The following CELF4 variants were observed in gnomAD, a reference collection of about 807,000 sequenced individuals.
CELF4 encodes CUG-BP- and ETR-3-like factor 4.
A neutral mutation model predicts 59.9 loss-of-function variants in CELF4; 18 were observed. The ratio of observed to expected loss-of-function variants is 0.30; its 90% CI spans 0.21 to 0.45. The LOEUF (loss-of-function observed/expected upper bound fraction) is 0.45, where lower values mean the gene tolerates loss of function less well. Among genes scored for constraint, CELF4 ranks in the 20% least tolerant of loss-of-function variants. The pLI, the probability that CELF4 is intolerant of heterozygous loss-of-function variation, is 1.00. For synonymous variants in CELF4, 261 were observed against 267.1 expected (o/e 0.98, Z 0.22); for missense variants, 456 against 689.0 (o/e 0.66, Z 3.79).
chr18:37,379,567 A>G (rs1015118605), intron 2 of CELF4, among the ~76,000 whole-genome samples: 18 of 151,328 alleles, frequency 1.2e-4, no homozygotes, highest in Non-Finnish European at 2.7e-4. Context: ...TGCCAGCAAG[A>G]TCTGGGGTCC....
At chr18:37,488,021 C>A (rs547080173) in intron 1 of CELF4, among the ~76,000 whole-genome samples, 1 of 151,996 alleles carries the variant, frequency 6.6e-6, no homozygotes, top group Admixed American at 6.5e-5. Flanking sequence ...ACTCACTGGT[C>A]CCCTCACTAC....
chr18:37,256,678 G>A (rs954178795), intron 11 of CELF4, among the ~76,000 whole-genome samples: 6 of 150,858 alleles, frequency 4.0e-5, no homozygotes, highest in African/African-American at 1.5e-4. Context: ...CTCCCTTCCT[G>A]GGTTCAAGCA....
chr18:37,473,012 G>A (rs1224225698), intron 2 of CELF4, among the ~76,000 whole-genome samples: 1 of 152,100 alleles, frequency 6.6e-6, no homozygotes. Context: ...GACTCAGCCT[G>A]CTTGAACATG....
chr18:37,377,141 A>G lies in CELF4; in HGVS notation c.370-55260T>C, dbSNP rs543212661. Reference sequence around the variant, plus strand: ...AGAGAGAGAAAAAGGAGATGTGAGGAGAAAAAAGGGAGAAGGGAGCGGCCA... The same window carrying G: ...AGAGAGAGAAAAAGGAGATGTGAGGGGAAAAAAGGGAGAAGGGAGCGGCCA... On this transcript the variant is annotated intron_variant, in intron 2 of 12. Transcript: ENST00000420428. Among the ~76,000 whole-genome samples, 10 of 152,260 alleles carry G rather than the reference A, an allele frequency of 6.6e-5. No individual in the cohort carries two copies. In the East Asian group the frequency reaches 1.9e-3, roughly 29 times the overall value.
At chr18:37,310,022 A>G (rs900050399) in intron 3 of CELF4, among the ~76,000 whole-genome samples, 1 of 151,538 alleles carries the variant, frequency 6.6e-6, no homozygotes, top group Non-Finnish European at 1.5e-5. Flanking sequence ...GCACTTGTCA[A>G]TCAAACCTTG....
chr18:37,431,839 G>A (rs2099668710), intron 2 of CELF4, among the ~76,000 whole-genome samples: 1 of 152,226 alleles, frequency 6.6e-6, no homozygotes, highest in South Asian at 2.1e-4. Context: ...GTCTGGGCAG[G>A]TACCAGCATG....
chr18:37,495,042 T>A (rs972306275), intron 1 of CELF4, among the ~76,000 whole-genome samples: 1 of 152,046 alleles, frequency 6.6e-6, no homozygotes, highest in African/African-American at 2.4e-5. Context: ...GCATCAAGGG[T>A]GGATTTCAAA....
chr18:37,296,785 A>G (rs2095668133), intron 3 of CELF4, among the ~76,000 whole-genome samples: 1 of 152,130 alleles, frequency 6.6e-6, no homozygotes, highest in African/African-American at 2.4e-5. Context: ...GCATCATTCT[A>G]TGTCCTCCTG....
At chr18:37,414,192 ATCT>A (rs2099502423) in intron 2 of CELF4, among the ~76,000 whole-genome samples, 1 of 2,938 alleles carries the variant, frequency 3.4e-4, no homozygotes, top group Non-Finnish European at 9.5e-4. Context: ...CCATTCATTC[ATCT>A]ATCTATCTAT....
chr18:37,532,682 TA>T (rs2099970490), intron 1 of CELF4, among the ~76,000 whole-genome samples: 1 of 151,726 alleles, frequency 6.6e-6, no homozygotes, highest in South Asian at 2.1e-4. Context: ...CTGACAAAAA[TA>T]AACCTAGCAT....
chr18:37,298,419 C>T (rs1285120286), intron 3 of CELF4, among the ~76,000 whole-genome samples: 2 of 152,162 alleles, frequency 1.3e-5, no homozygotes, highest in Non-Finnish European at 2.9e-5. Flanking sequence ...CTGTTCCACT[C>T]TGAATAAAAT....
intron 2 of CELF4, among the ~76,000 whole-genome samples, chr18:37,485,281 C>T (rs2099878556): frequency 6.6e-6 from 1 of 151,912 alleles, no homozygotes; most frequent in African/African-American, 2.4e-5. Flanking sequence ...CGCGCCGCTC[C>T]CCCGCCCCAG....
intron 2 of CELF4, among the ~76,000 whole-genome samples, chr18:37,416,090 C>T (rs766241336): frequency 2.5e-4 from 38 of 151,894 alleles, no homozygotes; most frequent in Non-Finnish European, 4.1e-4. Context: ...GGGAGCATCT[C>T]GTGCCACTTA....
At chr18:37,411,031 A>G (rs1289767377) in intron 2 of CELF4, among the ~76,000 whole-genome samples, 2 of 152,016 alleles carry the variant, frequency 1.3e-5, no homozygotes, top group Non-Finnish European at 1.5e-5. Context: ...ATCATAGCTC[A>G]CTGTAGCCTC....
chr18:37,298,661 G>A (rs968913803), intron 3 of CELF4, among the ~76,000 whole-genome samples: 2 of 150,410 alleles, frequency 1.3e-5, no homozygotes, highest in African/African-American at 4.9e-5. Context: ...GGAGGCAGAT[G>A]TTGCCGTGAA....
chr18:37,386,920 C>T (rs888209244), intron 2 of CELF4, among the ~76,000 whole-genome samples: 3 of 152,164 alleles, frequency 2.0e-5, no homozygotes, highest in Non-Finnish European at 4.4e-5. Context: ...CAAGTTTGTA[C>T]TCTCTCTCAG....
At chr18:37,322,007 C>T (rs2097140738) in intron 2 of CELF4, 126 bp from the exon 3 acceptor site, 1 of 628,480 alleles carries the variant, frequency 1.6e-6, no homozygotes, top group Admixed American at 3.0e-5. Context: ...GCTCCCACAA[C>T]ATGCTGCTGC....
chr18:37,488,901 C>T (rs927367465), intron 1 of CELF4, among the ~76,000 whole-genome samples: 10 of 152,190 alleles, frequency 6.6e-5, no homozygotes, highest in Non-Finnish European at 1.0e-4. Context: ...GCAGGGCCCA[C>T]CCCAGCGTCC....
At chr18:37,307,774 C>G (rs796445358) in intron 3 of CELF4, among the ~76,000 whole-genome samples, 6,275 of 152,126 alleles carry the variant, frequency 0.041, 331 homozygotes, top group African/African-American at 0.11. Flanking sequence ...AAGGAGGGCA[C>G]AGTCTCTGTG....
Sources: allele counts gnomAD v4.1 joint callset (sites outside exome capture counted in the v4.1 genomes callset), GRCh38; gene constraint gnomAD v4.1.1; transcripts MANE v1.5; gene names NCBI Gene and HGNC (gene_info 2026-07-23, HGNC 2026-07-21).